Variants in SCRG1 observed in about 807,000 individuals in gnomAD.
The protein encoded by SCRG1 is scrapie-responsive protein 1.
In SCRG1, 3 loss-of-function variants were observed where a neutral mutation model predicts 7.7. The ratio of observed to expected loss-of-function variants is 0.39; its 90% CI spans 0.18 to 1.01. The LOEUF is 1.01. SCRG1 is among the 50% of genes least tolerant of loss of function. The probability of loss-of-function intolerance (pLI) is 0.36; values close to 1 mark genes in which losing one functional copy is unlikely to be tolerated. For missense variants in SCRG1, 110 were observed against 117.2 expected (o/e 0.94, Z 0.28); for synonymous variants, 46 against 41.2 (o/e 1.12, Z -0.44).
the SCRG1 span, among the ~76,000 whole-genome samples, chr4:173,497,282 G>A: frequency 6.6e-6 from 1 of 152,142 alleles, no homozygotes; most frequent in African/African-American, 2.4e-5. Context: ...ACATTCTGGA[G>A]TGACTGCCAA....
the SCRG1 span, among the ~76,000 whole-genome samples, chr4:173,484,622 GTAATATATATTATATGCATA>G: frequency 3.8e-5 from 3 of 79,066 alleles, no homozygotes; most frequent in South Asian, 7.8e-4. Flanking sequence ...TTATATGCAT[GTAATATATATTATATGCATA>G]TAATATATAT....
the SCRG1 span, among the ~76,000 whole-genome samples, chr4:173,486,063 C>G: frequency 5.9e-5 from 9 of 152,162 alleles, no homozygotes; most frequent in Admixed American, 5.9e-4. Flanking sequence ...ATCTTGCATT[C>G]AAACTGCATT....
chr4:173,510,423 C>CATAT, the SCRG1 span, among the ~76,000 whole-genome samples: 152 of 149,198 alleles, frequency 1.0e-3, no homozygotes, highest in South Asian at 0.014. The surrounding 1 kb of genome is among the most constrained non-coding windows in gnomAD (Gnocchi z 5.7). Context: ...AGGCCAAAAC[C>CATAT]ATATATATAT....
At chr4:173,457,969 G>A in the SCRG1 span, among the ~76,000 whole-genome samples, 1 of 152,168 alleles carries the variant, frequency 6.6e-6, no homozygotes, top group Admixed American at 6.5e-5. Context: ...ACTACAGGAA[G>A]AACTGTGGGT....
At chr4:173,448,407 G>A in the SCRG1 span, among the ~76,000 whole-genome samples, 1 of 152,156 alleles carries the variant, frequency 6.6e-6, no homozygotes, top group African/African-American at 2.4e-5. Flanking sequence ...AAAGCCTTAG[G>A]ATCCTGGCTT....
chr4:173,387,213 A>T lies in SCRG1; in HGVS notation c.*1128T>A, dbSNP rs1739269963. The T allele has an allele frequency of 6.6e-6, 1 of 152,216 alleles. No homozygotes were observed. The highest frequency in any genetic ancestry group is 2.1e-4 in the South Asian group (1 of 4,832). 9.4% of individuals were successfully genotyped at this position (152,216 alleles called of 1,614,324 possible). A position where few individuals can be genotyped will look rare whatever the true frequency, so the allele number is the denominator to read the frequency against. ...GGGCTTTGGAATTGGAACTCTTGAAAATCTGCCTTGATTTTTAGCAAATAT... is the reference window on the plus strand; with the variant it reads ...GGGCTTTGGAATTGGAACTCTTGAATATCTGCCTTGATTTTTAGCAAATAT... On this transcript the variant is annotated 3_prime_UTR_variant, in exon 3 of 3. Coordinates refer to ENST00000296506, the MANE Select transcript of SCRG1 (RefSeq NM_007281.4).
upstream of SCRG1, chr4:173,399,380 C>T (rs1354425299): frequency 1.3e-5 from 2 of 152,104 alleles, no homozygotes; most frequent in Admixed American, 1.3e-4. Context: ...TATACAAGAA[C>T]CTCAGGGAGG....
the SCRG1 span, among the ~76,000 whole-genome samples, chr4:173,442,449 C>T: frequency 2.6e-5 from 4 of 152,176 alleles, no homozygotes; most frequent in African/African-American, 9.7e-5. Context: ...TTCAGCTGCT[C>T]CCTGTCTAGT....
upstream of SCRG1, among the ~76,000 whole-genome samples, chr4:173,407,860 T>C (rs1484720500): frequency 1.3e-5 from 2 of 152,352 alleles, no homozygotes; most frequent in African/African-American, 4.8e-5. Context: ...ACCTGTGGTC[T>C]ATGGAAGCTG....
chr4:173,502,961 G>A, the SCRG1 span, among the ~76,000 whole-genome samples: 1 of 152,186 alleles, frequency 6.6e-6, no homozygotes, highest in African/African-American at 2.4e-5. This position sits in a 1 kb window ranked among gnomAD's most constrained non-coding sequence, Gnocchi z 4.6. Flanking sequence ...TAGAAGGGGG[G>A]TCTGGTGCAC....
chr4:173,411,910 G>A, the SCRG1 span, among the ~76,000 whole-genome samples: 1 of 152,190 alleles, frequency 6.6e-6, no homozygotes, highest in Non-Finnish European at 1.5e-5. Flanking sequence ...CAGCAGGAGA[G>A]TGATTGGGTG....
chr4:173,519,080 C>G, the SCRG1 span, among the ~76,000 whole-genome samples: 1 of 151,144 alleles, frequency 6.6e-6, no homozygotes, highest in Non-Finnish European at 1.5e-5. Context: ...TATTAGCAGC[C>G]AGGTAGCCCT....
chr4:173,392,236 T>A (rs1422229487), intron 1 of SCRG1, among the ~76,000 whole-genome samples: 1 of 152,226 alleles, frequency 6.6e-6, no homozygotes, highest in East Asian at 1.9e-4. Flanking sequence ...GTTTTTTAAC[T>A]TCCAGAAGTA....
chr4:173,421,418 G>T, the SCRG1 span, among the ~76,000 whole-genome samples: 1 of 151,806 alleles, frequency 6.6e-6, no homozygotes, highest in South Asian at 2.1e-4. Context: ...TAGTTTGTTG[G>T]GGGGGGGTTG....
chr4:173,494,872 A>G, the SCRG1 span, among the ~76,000 whole-genome samples: 1 of 152,360 alleles, frequency 6.6e-6, no homozygotes, highest in South Asian at 2.1e-4. Context: ...GCACCGATCA[A>G]TTTACGCATT....
chr4:173,472,313 G>A, the SCRG1 span, among the ~76,000 whole-genome samples: 1 of 152,250 alleles, frequency 6.6e-6, no homozygotes, highest in Admixed American at 6.5e-5. Context: ...ATTTTTACGT[G>A]AAGCTGTGAT....
chr4:173,405,362 T>C (rs889023552), intron 1 of SCRG1, among the ~76,000 whole-genome samples: 1 of 152,236 alleles, frequency 6.6e-6, no homozygotes, highest in Non-Finnish European at 1.5e-5. Context: ...GGAACGTGAC[T>C]TATCACTATT....
chr4:173,513,280 A>G, the SCRG1 span, among the ~76,000 whole-genome samples: 2 of 151,924 alleles, frequency 1.3e-5, no homozygotes, highest in Admixed American at 6.6e-5. Context: ...AGACAATCCA[A>G]TCTGGAGTCC....
At chr4:173,447,267 T>C in the SCRG1 span, among the ~76,000 whole-genome samples, 5 of 152,178 alleles carry the variant, frequency 3.3e-5, no homozygotes, top group South Asian at 6.2e-4. Flanking sequence ...TCTGGTCTCT[T>C]CCCATAATGC....
Sources: allele counts gnomAD v4.1 joint callset (sites outside exome capture counted in the v4.1 genomes callset), GRCh38; gene constraint gnomAD v4.1.1; non-coding constraint Gnocchi (gnomAD v3.1); transcripts MANE v1.5; gene names NCBI Gene and HGNC (gene_info 2026-07-23, HGNC 2026-07-21).